The following TACR3 variants were observed in gnomAD, a reference collection of about 807,000 sequenced individuals.
The protein encoded by TACR3 is neuromedin-K receptor.
TACR3 carries 34 observed loss-of-function variants against 35.0 expected under a neutral mutation model. The ratio of observed to expected loss-of-function variants is 0.97; its 90% CI spans 0.74 to 1.30. The LOEUF (loss-of-function observed/expected upper bound fraction) is 1.30, where lower values mean the gene tolerates loss of function less well. TACR3 is among the 50% of genes most tolerant of loss of function. The pLI, the probability that TACR3 is intolerant of heterozygous loss-of-function variation, is 0.00. For synonymous variants in TACR3, 233 were observed against 221.1 expected, an observed-to-expected ratio of 1.05 and a Z score of -0.48; for missense variants, 558 against 591.7, an observed-to-expected ratio of 0.94 and a Z score of 0.59.
intron 3 of TACR3, among the ~76,000 whole-genome samples, chr4:103,612,002 A>G (rs1463575727): frequency 6.6e-6 from 1 of 152,206 alleles, no homozygotes; most frequent in Non-Finnish European, 1.5e-5. Flanking sequence ...TGCGATAACC[A>G]TCTAATTGGC....
chr4:103,700,463 C>A (rs1416741244), intron 1 of TACR3, among the ~76,000 whole-genome samples: 1 of 152,052 alleles, frequency 6.6e-6, no homozygotes, highest in African/African-American at 2.4e-5. Flanking sequence ...TGAACTTAAG[C>A]AAATATTAAA....
chr4:103,610,416 ATGTC>A (rs1369436654), intron 3 of TACR3, among the ~76,000 whole-genome samples: 1 of 151,758 alleles, frequency 6.6e-6, no homozygotes, highest in African/African-American at 2.4e-5. Flanking sequence ...AGTCCTTTGT[ATGTC>A]TTCTTTTGGG....
intron 3 of TACR3, chr4:103,624,346 T>C (rs1724846115): frequency 6.6e-6 from 1 of 152,146 alleles, no homozygotes; most frequent in Admixed American, 6.5e-5. Flanking sequence ...CACATCTTAC[T>C]GGAGAATGAT....
rs932160162 is a variant in TACR3, at chr4:103,664,004, A to G, written c.549-5601T>C. ...CCATTCTTCCTTCACCAGATTCTTA[A>G]AGACATTAGAATCTCCTTAGTAGGA... On this transcript the variant is annotated intron_variant, in intron 1 of 4. Transcript: ENST00000304883. Among the ~76,000 whole-genome samples, 42 of 152,204 alleles carry G rather than the reference A, an allele frequency of 2.8e-4. 3 individuals carry two copies.
intron 1 of TACR3, among the ~76,000 whole-genome samples, chr4:103,697,477 T>G (rs1182078582): frequency 2.6e-5 from 4 of 151,912 alleles, no homozygotes; most frequent in East Asian, 1.9e-4. Flanking sequence ...CAGGCTAGAG[T>G]GCAGTGGCGC....
At chr4:103,696,401 G>T (rs1231611571) in intron 1 of TACR3, among the ~76,000 whole-genome samples, 1 of 151,244 alleles carries the variant, frequency 6.6e-6, no homozygotes, top group Non-Finnish European at 1.5e-5. Context: ...TAAAACATTA[G>T]AAACAATGAG....
At chr4:103,650,602 AAAATATATAAATATATTATATAT>A (rs1381724978) in intron 3 of TACR3, among the ~76,000 whole-genome samples, 2 of 103,190 alleles carry the variant, frequency 1.9e-5, no homozygotes, top group Non-Finnish European at 3.4e-5. Flanking sequence ...AAATTTATAT[AAAATATATAAATATATTATATAT>A]AAATATATAA....
intron 3 of TACR3, among the ~76,000 whole-genome samples, chr4:103,650,746 ATATATATATTATATATGATGTATAT>A: frequency 1.1e-5 from 1 of 90,092 alleles, no homozygotes; most frequent in African/African-American, 4.7e-5. Context: ...ATCATATATA[ATATATATATTATATATGATGTATAT>A]AATATATATT....
intron 2 of TACR3, among the ~76,000 whole-genome samples, chr4:103,656,642 A>G (rs1276946713): frequency 6.6e-6 from 1 of 152,012 alleles, no homozygotes; most frequent in Non-Finnish European, 1.5e-5. Flanking sequence ...ACGACTTTCC[A>G]CTGCTATGTA....
rs1489236156 is a variant in TACR3 at position 103,586,742 on chromosome 4, G to A, written c.*2940C>T. The A allele has an allele frequency of 1.3e-5, 2 of 152,032 alleles. No homozygotes were observed. The highest frequency in any genetic ancestry group is 6.6e-5 in the Admixed American group (1 of 15,220). The allele number at this position is 152,032 out of a possible 1,614,324, so 9.4% of individuals were successfully genotyped here. A position where few individuals can be genotyped will look rare whatever the true frequency, so the allele number is the denominator to read the frequency against. ...TTAGAAGATGGAATAATGCAACAGTGTGCTGTACTTGGTAAAAAATAAAAA... is the reference window on the plus strand; with the variant it reads ...TTAGAAGATGGAATAATGCAACAGTATGCTGTACTTGGTAAAAAATAAAAA... On this transcript the variant is annotated 3_prime_UTR_variant, in exon 5 of 5. Transcript: ENST00000304883.
intron 3 of TACR3, among the ~76,000 whole-genome samples, chr4:103,604,521 A>G (rs1419912663): frequency 6.6e-6 from 1 of 152,234 alleles, no homozygotes; most frequent in Non-Finnish European, 1.5e-5. Flanking sequence ...AATGGCAACA[A>G]AAGCCAAAAT....
At chr4:103,615,600 TA>T (rs990852296) in intron 3 of TACR3, among the ~76,000 whole-genome samples, 11 of 152,190 alleles carry the variant, frequency 7.2e-5, no homozygotes, top group Admixed American at 5.2e-4. Flanking sequence ...GCTTTCCTAT[TA>T]AAAAACTATT....
chr4:103,638,607 A>G (rs1725255967), intron 3 of TACR3, among the ~76,000 whole-genome samples: 2 of 152,178 alleles, frequency 1.3e-5, no homozygotes, highest in East Asian at 3.9e-4. Flanking sequence ...AATTAAACCA[A>G]AAAGCTTCTA....
chr4:103,634,892 T>C (rs1262126853), intron 3 of TACR3, among the ~76,000 whole-genome samples: 1 of 152,096 alleles, frequency 6.6e-6, no homozygotes, highest in Non-Finnish European at 1.5e-5. Context: ...CTTATGCATC[T>C]CTCAAGTAAG....
intron 4 of TACR3, 125 bp downstream of exon 4, chr4:103,591,362 G>T: frequency 8.9e-7 from 1 of 1,123,440 alleles, no homozygotes; most frequent in Non-Finnish European, 1.3e-6. Flanking sequence ...GCCTCTCTCA[G>T]TGAATTCTTA....
intron 1 of TACR3, among the ~76,000 whole-genome samples, chr4:103,686,501 A>G (rs1476032396): frequency 6.6e-6 from 1 of 152,300 alleles, no homozygotes; most frequent in South Asian, 2.1e-4. Flanking sequence ...AGTACACACA[A>G]GTCACTAAAT....
At chr4:103,610,631 G>C (rs1158379743) in intron 3 of TACR3, among the ~76,000 whole-genome samples, 3 of 151,890 alleles carry the variant, frequency 2.0e-5, no homozygotes, top group Non-Finnish European at 4.4e-5. Flanking sequence ...TTTTTAGTTT[G>C]TCATCATCTT....
intron 3 of TACR3, among the ~76,000 whole-genome samples, chr4:103,606,307 G>A (rs1422790865): frequency 1.3e-5 from 2 of 152,044 alleles, no homozygotes; most frequent in African/African-American, 2.4e-5. Context: ...TGGCGATGCG[G>A]GCTCTTTTTT....
intron 3 of TACR3, among the ~76,000 whole-genome samples, chr4:103,600,325 G>C (rs987753808): frequency 2.4e-4 from 37 of 151,924 alleles, no homozygotes; most frequent in African/African-American, 8.5e-4. Flanking sequence ...TTTTTATTGG[G>C]TCTATTTGAT....
Sources: gnomAD v4.1 joint callset for allele counts (sites outside exome capture counted in the v4.1 genomes callset) on GRCh38, gnomAD v4.1.1 for gene constraint, MANE v1.5 for transcripts, NCBI Gene and HGNC (gene_info 2026-07-23, HGNC 2026-07-21) for gene names.